The following ATRAID variants were observed in gnomAD, a reference collection of about 807,000 sequenced individuals.
ATRAID encodes the protein all-trans retinoic acid induced differentiation factor.
ATRAID carries 26 observed loss-of-function variants against 28.8 expected under a neutral mutation model. That is an observed-to-expected ratio of 0.90 (90% confidence interval 0.66 to 1.25). ATRAID has a LOEUF of 1.25. Among genes scored for constraint, ATRAID ranks in the 50% most tolerant of loss-of-function variants. ATRAID has a pLI of 0.00. For synonymous variants in ATRAID, 131 were observed against 108.5 expected (o/e 1.21, Z -1.29); for missense variants, 308 against 285.9 (o/e 1.08, Z -0.56).
At chr2:27,214,541 T>C (rs533104473) in intron 2 of ATRAID, among the ~76,000 whole-genome samples, 1 of 152,328 alleles carries the variant, frequency 6.6e-6, no homozygotes, top group African/African-American at 2.4e-5. Context: ...TGCTGGCGGA[T>C]AGAACTTTCT....
chr2:27,213,798 C>G (rs1318484752), intron 2 of ATRAID, among the ~76,000 whole-genome samples: 1 of 152,212 alleles, frequency 6.6e-6, no homozygotes, highest in Non-Finnish European at 1.5e-5. Flanking sequence ...TGCCTGCCCT[C>G]AAAGGCATTC....
At position 27,212,408 on chromosome 2, in the gene ATRAID, C is replaced by T; in HGVS notation, c.40C>T (p.Pro14Ser). The T allele has an allele frequency of 6.4e-7, 1 of 1,552,264 alleles. No individual in the cohort carries two copies. The highest frequency in any genetic ancestry group is 8.7e-7 in the Non-Finnish European group (1 of 1,148,104). Reference protein sequence around the residue: ...HDPGSLTTLVPWAAALLLALG... With the variant: ...HDPGSLTTLVSWAAALLLALG... ...CCCGGGTAGTCTTACGACCCTGGTG[C>T]CCTGGGCTGCCGCCCTGCTCCTCGC... Residue 14 changes from proline (P) to serine (S), a missense_variant, in exon 1 of 7, where the codon CCC becomes TCC. Physicochemically the swap from Pro to Ser is moderately conservative, Grantham distance 74 (BLOSUM62 -1). Transcript: ENST00000380171.
At chr2:27,215,260 CTG>C (rs1490286902) in intron 2 of ATRAID, 59 bp from the exon 3 acceptor site, 59 of 1,540,316 alleles carry the variant, frequency 3.8e-5, no homozygotes, top group Middle Eastern at 1.7e-4. Context: ...CAAATACAAA[CTG>C]TGCCGTGGCT....
rs1438640604 is a variant in ATRAID, at chr2:27,212,269, G to C, written c.-100G>C. 6 of 1,555,676 alleles carry C rather than the reference G, an allele frequency of 3.9e-6. No individual in the cohort carries two copies. The highest frequency in any genetic ancestry group is 1.4e-5 in the African/African-American group (1 of 73,678). ...CAAGCAGCCCCAGGGCGACTGGACCGGGCCGCTTAGGCCACGCCCGGGGAA... is the reference window on the plus strand; with the variant it reads ...CAAGCAGCCCCAGGGCGACTGGACCCGGCCGCTTAGGCCACGCCCGGGGAA... On this transcript the variant is annotated 5_prime_UTR_variant, in exon 1 of 7. Transcript: ENST00000380171.
In ATRAID at chr2:27,215,388, A is replaced by G; in HGVS notation, c.289A>G (p.Ile97Val). Residue 97 changes from isoleucine (I) to valine (V), a missense_variant, in exon 3 of 7, where the codon ATC (isoleucine) becomes GTC (valine). Ile to Val is a conservative substitution (Grantham distance 29). Transcript: ENST00000380171. Reference protein sequence around the residue: ...PNFHQAHTTVIIDLQANPLKG... With the variant: ...PNFHQAHTTVVIDLQANPLKG... ...CTTTCATCAGGCACATACCACTGTC[A>G]TCATGTAAGTAGTTAGGTACCTCCC... The G allele has an allele frequency of 5.6e-6, 9 of 1,614,210 alleles. No homozygotes were observed. The highest frequency in any genetic ancestry group is 7.6e-6 in the Non-Finnish European group (9 of 1,180,028).
Position 27,216,977 on chromosome 2 carries a change from A to G in ATRAID, c.*29A>G, listed in dbSNP as rs1210154831. The stretch of plus-strand genomic sequence containing the variant: ...ACATAGGTCTTACCATTGACCTAAG[A>G]TCAATCTGAACTATCTTAGCCCAGT... On this transcript the variant is annotated 3_prime_UTR_variant, in exon 7 of 7. Transcript: ENST00000380171. The G allele has an allele frequency of 6.4e-6, 10 of 1,553,070 alleles. No individual in the cohort carries two copies. The highest frequency in any genetic ancestry group is 8.8e-6 in the Non-Finnish European group (10 of 1,130,380).
Position 27,212,147 on chromosome 2 carries a change from C to T in ATRAID, c.-222C>T. ...CGCGCGGCGACGGGGGAGGCCTTCA[C>T]TAAAGGGGAAAAGGAAGAGGGGGTC... On this transcript the variant is annotated 5_prime_UTR_variant, in exon 1 of 7. Transcript: ENST00000380171. 6.5e-7 allele frequency: 1 copy of T among 1,530,056 alleles called. No homozygotes were observed. Among genetic ancestry groups the T allele is most frequent in the African/African-American group, 1.4e-5 (1 of 70,986 alleles). 94.8% of individuals were successfully genotyped at this position (1,530,056 alleles called of 1,614,324 possible).
chr2:27,214,944 GAC>G (rs1674764759), intron 2 of ATRAID, among the ~76,000 whole-genome samples: 1 of 110,640 alleles, frequency 9.0e-6, no homozygotes, highest in Non-Finnish European at 2.3e-5. Context: ...GTGCAAATGA[GAC>G]ACTGAATTTT....
chr2:27,212,247 G>A lies in ATRAID; in HGVS notation c.-122G>A, dbSNP rs780271572. 5 of 1,560,722 alleles carry A rather than the reference G, an allele frequency of 3.2e-6. No homozygotes were observed. The highest frequency in any genetic ancestry group is 3.5e-4 in the Middle Eastern group (2 of 5,764). On this transcript the variant is annotated 5_prime_UTR_variant, in exon 1 of 7. Coordinates refer to ENST00000380171, the MANE Select transcript of ATRAID (RefSeq NM_001170795.4). ...CTCCACGAGCAGGAAAAGCCCCCAA[G>A]CAGCCCCAGGGCGACTGGACCGGGC...
In ATRAID at chr2:27,215,332, A is replaced by G; in HGVS notation, c.233A>G (p.Gln78Arg). Residue 78 changes from glutamine to arginine, a missense_variant, in exon 3 of 7, where the codon CAG (glutamine) becomes CGG (arginine). Transcript: ENST00000380171. ...QKGTILGLDL[Q>R]NCSLEDPGPN... is the part of the protein sequence containing the mutation. ...CTTTATTTCCTCAGGCTGGATCTCC[A>G]GAACTGTTCTCTGGAGGACCCTGGT... 1 of 1,614,178 alleles carries G rather than the reference A, an allele frequency of 6.2e-7. No individual in the cohort carries two copies. The highest frequency in any genetic ancestry group is 8.5e-7 in the Non-Finnish European group (1 of 1,180,002).
In ATRAID at chr2:27,216,607, A is replaced by G. The variant is rs1320590640; in HGVS notation, c.572A>G (p.Lys191Arg). The change falls in exon 6 of 7, where the codon AAG becomes AGG. Residue 191 changes from lysine (K) to arginine (R), a missense_variant. Coordinates refer to ENST00000380171, the MANE Select transcript of ATRAID (RefSeq NM_001170795.4). Reference protein sequence around the residue: ...CVCADGFHGYKCMRQGSFSLL... With the variant: ...CVCADGFHGYRCMRQGSFSLL... ...TGTGCTGATGGTTTCCATGGATACA[A>G]GTGTATGCGCCAGGTGAGGAATTAG... The G allele has an allele frequency of 1.2e-6, 2 of 1,613,580 alleles. No individual in the cohort carries two copies. The highest frequency in any genetic ancestry group is 1.1e-5 in the South Asian group (1 of 91,072).
Position 27,215,721 on chromosome 2 carries a change from A to T in ATRAID, c.455A>T (p.Gln152Leu), listed in dbSNP as rs1191381667. The T allele has an allele frequency of 6.2e-7, 1 of 1,614,230 alleles. No individual in the cohort carries two copies. The highest frequency in any genetic ancestry group is 2.2e-5 in the East Asian group (1 of 44,894). ...SYIDNQICQG[Q>L]KNLCNNTGDP... ...ATAGACAACCAAATCTGTCAAGGGC[A>T]AAAGAACCTTTGCAATAACACTGGG... Residue 152 changes from glutamine (Q) to leucine (L), a missense_variant, in exon 5 of 7, where the codon CAA becomes CTA. Physicochemically the swap from Gln to Leu is moderately radical, Grantham distance 113. Coordinates refer to ENST00000380171, the MANE Select transcript of ATRAID (RefSeq NM_001170795.4).
chr2:27,215,897 T>G, intron 5 of ATRAID, 144 bp downstream of exon 5: 1 of 1,127,490 alleles, frequency 8.9e-7, no homozygotes, highest in South Asian at 1.6e-5. Context: ...GATCTTAAGA[T>G]ATACTCTATT....
chr2:27,214,365 A>C (rs1258744637), intron 2 of ATRAID, among the ~76,000 whole-genome samples: 1 of 152,192 alleles, frequency 6.6e-6, no homozygotes, highest in Non-Finnish European at 1.5e-5. Context: ...AGCAGTTTAC[A>C]ACCAATCTGT....
In ATRAID at chr2:27,216,603, TAC is replaced by T; in HGVS notation, c.570_571del (p.Tyr190Ter). The T allele has an allele frequency of 6.2e-7, 1 of 1,613,878 alleles. No homozygotes were observed. ...QCVCADGFHG[Y>X]KCMRQGSFSL... is the part of the protein sequence containing the mutation. Reference sequence around the variant, plus strand: ...TGTTTGTGCTGATGGTTTCCATGGATACAAGTGTATGCGCCAGGTGAGGAATT... The same window carrying T: ...TGTTTGTGCTGATGGTTTCCATGGATAAGTGTATGCGCCAGGTGAGGAATT... On this transcript the variant is annotated frameshift_variant, in exon 6 of 7. Transcript: ENST00000380171. LOFTEE classifies it high-confidence loss of function.
chr2:27,212,372 G>C lies in ATRAID; in HGVS notation c.4G>C (p.Ala2Pro), dbSNP rs200120344. The change falls in exon 1 of 7, where the codon GCG (alanine) becomes CCG (proline). Residue 2 changes from alanine to proline, a missense_variant. Physicochemically the swap from Ala to Pro is conservative, Grantham distance 27. Transcript: ENST00000380171. The part of the protein sequence containing the change: M[A>P]PHDPGSLTTL... ...CGGAGCACCAAGGGAACGGAAAATGGCGCCTCACGACCCGGGTAGTCTTAC... is the reference window on the plus strand; with the variant it reads ...CGGAGCACCAAGGGAACGGAAAATGCCGCCTCACGACCCGGGTAGTCTTAC... 317 of 1,550,412 alleles carry C rather than the reference G, an allele frequency of 2.0e-4. 1 individual carries two copies. The highest frequency in any genetic ancestry group is 2.7e-4 in the Non-Finnish European group (304 of 1,146,746).
chr2:27,215,832 T>C (rs1674803907), intron 5 of ATRAID, 79 bp downstream of exon 5: 1 of 1,552,088 alleles, frequency 6.4e-7, no homozygotes. Context: ...AAAGACAAAG[T>C]TGCTTAAGCG....
chr2:27,215,982 C>G (rs1262732996), intron 5 of ATRAID, among the ~76,000 whole-genome samples: 1 of 152,222 alleles, frequency 6.6e-6, no homozygotes, highest in Non-Finnish European at 1.5e-5. Context: ...TTTATTTCAC[C>G]TGGGTGCAGG....
chr2:27,215,643 A>C lies in ATRAID; in HGVS notation c.377A>C (p.Gln126Pro). The C allele has an allele frequency of 6.2e-7, 1 of 1,614,224 alleles. No homozygotes were observed. Residue 126 changes from glutamine to proline, a missense_variant, in exon 5 of 7, where the codon CAA (glutamine) becomes CCA (proline). Physicochemically the swap from Gln to Pro is moderately conservative, Grantham distance 76. Transcript: ENST00000380171. ...FTQLQTLILP[Q>P]HVNCPGGINA... Reference sequence around the variant, plus strand: ...ACATTTCTCTATAGGATACTGCCACAACATGTCAACTGTCCTGGAGGAATT... The same window carrying C: ...ACATTTCTCTATAGGATACTGCCACCACATGTCAACTGTCCTGGAGGAATT...
Sources: allele counts gnomAD v4.1 joint callset (sites outside exome capture counted in the v4.1 genomes callset), GRCh38; gene constraint gnomAD v4.1.1; transcripts MANE v1.5; gene names NCBI Gene and HGNC (gene_info 2026-07-23, HGNC 2026-07-21).